The following SLC16A9 variants were observed in gnomAD, a reference collection of about 807,000 sequenced individuals.
SLC16A9 encodes the protein solute carrier family 16 member 9, also known as monocarboxylate transporter 9.
A neutral mutation model predicts 44.3 loss-of-function variants in SLC16A9; 26 were observed. The observed-to-expected ratio is 0.59, with a 90% CI of 0.43 to 0.81. The LOEUF is 0.81. SLC16A9 is among the 40% of genes least tolerant of loss of function. SLC16A9 has a pLI of 0.00. For missense variants in SLC16A9, 559 were observed against 595.8 expected (o/e 0.94, Z 0.64); for synonymous variants, 230 against 225.1 (o/e 1.02, Z -0.19).
intron 2 of SLC16A9, among the ~76,000 whole-genome samples, chr10:59,675,689 C>T (rs116485393): frequency 6.6e-6 from 1 of 152,134 alleles, no homozygotes; most frequent in Non-Finnish European, 1.5e-5. Context: ...ACTGCCCCTA[C>T]GGAGCATGAG....
At chr10:59,675,914 C>T (rs771423946) in intron 2 of SLC16A9, among the ~76,000 whole-genome samples, 3 of 152,198 alleles carry the variant, frequency 2.0e-5, no homozygotes, top group Admixed American at 6.5e-5. Flanking sequence ...AGTGTAAATA[C>T]TTCCTTTCAC....
At chr10:59,674,057 C>T (rs776853462) in intron 2 of SLC16A9, among the ~76,000 whole-genome samples, 1 of 152,152 alleles carries the variant, frequency 6.6e-6, no homozygotes, top group Non-Finnish European at 1.5e-5. Flanking sequence ...CAAAGCCAAA[C>T]TTGCGGGGTA....
At chr10:59,709,201 C>G (rs959350761) in intron 1 of SLC16A9, among the ~76,000 whole-genome samples, 3 of 152,150 alleles carry the variant, frequency 2.0e-5, no homozygotes, top group Non-Finnish European at 4.4e-5. Context: ...AGGACCCCCT[C>G]CCTCTCTTTC....
rs1434493463 is a variant in SLC16A9 at position 59,654,453 on chromosome 10, G to C, written c.573C>G (p.Leu191=). Residue 191 remains leucine (L), a synonymous_variant, in exon 5 of 6, where the codon CTC becomes CTG. Coordinates refer to ENST00000395348, the MANE Select transcript of SLC16A9 (RefSeq NM_194298.3). ...TAGGCAAAGGACAATCAGAAGATTG[G>C]AGGGGTCTCATCAGACTGCCACAGG... ...ILACGSLMRP[L]QSSDCPLPKK... is the part of the protein sequence containing the mutation. The C allele has an allele frequency of 6.2e-7, 1 of 1,613,312 alleles. No homozygotes were observed. Among genetic ancestry groups the C allele is most frequent in the African/African-American group, 1.3e-5 (1 of 75,016 alleles).
chr10:59,652,889 G>A lies in SLC16A9; in HGVS notation c.1413C>T (p.Val471=), dbSNP rs781012331. The change falls in exon 6 of 6, where the codon GTC becomes GTT. Residue 471 remains valine, a synonymous_variant. Coordinates refer to ENST00000395348, the MANE Select transcript of SLC16A9 (RefSeq NM_194298.3). ...GCAGCAGAATAAAACCTCCCAGCAG[G>A]ACGCAGAAGCCACTAAAATAAAATG... ...DIAFYFSGFC[V]LLGGFILLLA... The A allele has an allele frequency of 1.9e-6, 3 of 1,613,812 alleles. No individual in the cohort carries two copies. The African/African-American group carries it at 4.0e-5, about 22-fold the overall frequency.
At position 59,652,754 on chromosome 10, in the gene SLC16A9, G is replaced by A. The variant is rs367565141; in HGVS notation, c.*18C>T. On this transcript the variant is annotated 3_prime_UTR_variant, in exon 6 of 6. Transcript: ENST00000395348. ...TATATGGTATAAAATAGCAAAAATA[G>A]TGTCTTCCAATATTCTTCTAAACAT... is the stretch of plus-strand genomic sequence containing the variant. The A allele has an allele frequency of 6.3e-7, 1 of 1,587,748 alleles. No homozygotes were observed. The highest frequency in any genetic ancestry group is 8.5e-7 in the Non-Finnish European group (1 of 1,169,888).
intron 1 of SLC16A9, among the ~76,000 whole-genome samples, chr10:59,686,279 C>T (rs1213442921): frequency 6.6e-6 from 1 of 152,092 alleles, no homozygotes; most frequent in Non-Finnish European, 1.5e-5. Context: ...TAATTACACT[C>T]CTTTTGAAAT....
In SLC16A9 at chr10:59,690,392, G is replaced by A. The variant is rs932636723; in HGVS notation, c.-36-6065C>T. ...CACGTGGAAAGGTATGTGCAAAAGA[G>A]TACGTACACGATTGGGTGCCATACA... On this transcript the variant is annotated intron_variant, in intron 1 of 5. Transcript: ENST00000395348. Among the ~76,000 whole-genome samples the A allele has an allele frequency of 2.0e-5, 3 of 152,150 alleles. No homozygotes were observed. The South Asian group carries it at 6.2e-4, about 32-fold the overall frequency.
chr10:59,680,174 T>C (rs867501479), intron 2 of SLC16A9, among the ~76,000 whole-genome samples: 3 of 152,108 alleles, frequency 2.0e-5, no homozygotes, highest in Non-Finnish European at 2.9e-5. Context: ...ATCCCAGGGA[T>C]TATCTGGACA....
intron 2 of SLC16A9, among the ~76,000 whole-genome samples, chr10:59,678,264 G>A (rs1335037433): frequency 1.3e-5 from 2 of 151,938 alleles, no homozygotes; most frequent in Non-Finnish European, 2.9e-5. Context: ...AGTTGGGCCT[G>A]TGAAGGTCCT....
intron 2 of SLC16A9, among the ~76,000 whole-genome samples, chr10:59,673,404 T>C (rs1839794980): frequency 6.6e-6 from 1 of 152,166 alleles, no homozygotes; most frequent in African/African-American, 2.4e-5. Flanking sequence ...AGAATTTAAG[T>C]GATAGTGAAA....
At chr10:59,659,309 G>A (rs1026788126) in intron 4 of SLC16A9, among the ~76,000 whole-genome samples, 3 of 152,144 alleles carry the variant, frequency 2.0e-5, no homozygotes, top group South Asian at 2.1e-4. Flanking sequence ...CTACAAGGAG[G>A]TGGAGACATG....
rs1588967171 is a variant in SLC16A9 at position 59,664,338 on chromosome 10, C to T, written c.341-16G>A. 3.2e-6 allele frequency: 5 copies of T among 1,567,660 alleles called. No homozygotes were observed. The highest frequency in any genetic ancestry group is 4.4e-6 in the Non-Finnish European group (5 of 1,143,910). On this transcript the variant is annotated splice_polypyrimidine_tract_variant and intron_variant, in intron 3 of 5. Transcript: ENST00000395348. ...CATCCAAGACCTAAGCATGAGAAGACATTGCATAAATTAAGACGCTGCATT... is the reference window on the plus strand; with the variant it reads ...CATCCAAGACCTAAGCATGAGAAGATATTGCATAAATTAAGACGCTGCATT...
At chr10:59,697,218 C>T (rs947332003) in intron 1 of SLC16A9, among the ~76,000 whole-genome samples, 4 of 151,488 alleles carry the variant, frequency 2.6e-5, no homozygotes, top group Admixed American at 2.6e-4. Flanking sequence ...GGCCACCACC[C>T]CGTCTGGGAG....
intron 2 of SLC16A9, 121 bp downstream of exon 2, chr10:59,683,975 G>A: frequency 1.4e-6 from 1 of 704,378 alleles, no homozygotes; most frequent in Non-Finnish European, 2.2e-6. Context: ...TGCAATGAAG[G>A]CAGGAAAAGA....
intron 1 of SLC16A9, among the ~76,000 whole-genome samples, chr10:59,700,008 C>T (rs1427967837): frequency 6.6e-6 from 1 of 151,874 alleles, no homozygotes; most frequent in Non-Finnish European, 1.5e-5. Context: ...CATTTTTCAA[C>T]ATCTCTTAGA....
intron 2 of SLC16A9, among the ~76,000 whole-genome samples, chr10:59,679,165 G>T (rs912465427): frequency 2.0e-5 from 2 of 99,784 alleles, no homozygotes; most frequent in African/African-American, 6.6e-5. Flanking sequence ...ATTTCCTGCT[G>T]TTTCAGCACT....
intron 1 of SLC16A9, among the ~76,000 whole-genome samples, chr10:59,706,708 C>T (rs984091272): frequency 6.6e-6 from 1 of 151,996 alleles, no homozygotes; most frequent in East Asian, 1.9e-4. Context: ...CGTGGTGGCT[C>T]ACGCCTGTAA....
intron 1 of SLC16A9, among the ~76,000 whole-genome samples, chr10:59,695,822 T>C (rs1231994069): frequency 6.6e-6 from 1 of 152,206 alleles, no homozygotes; most frequent in Non-Finnish European, 1.5e-5. Context: ...TCAACATCAG[T>C]GTCCTTGGGC....
Sources: allele counts gnomAD v4.1 joint callset (sites outside exome capture counted in the v4.1 genomes callset), GRCh38; gene constraint gnomAD v4.1.1; transcripts MANE v1.5; gene names NCBI Gene and HGNC (gene_info 2026-07-23, HGNC 2026-07-21).